Variants in MCTP1 observed in about 807,000 individuals in gnomAD.
MCTP1 encodes the protein multiple C2 and transmembrane domain containing 1.
MCTP1 carries 69 observed loss-of-function variants against 120.6 expected under a neutral mutation model. That is an observed-to-expected ratio of 0.57 (90% CI 0.47 to 0.70). The LOEUF is 0.70. Among genes scored for constraint, MCTP1 ranks in the 30% least tolerant of loss-of-function variants. MCTP1 has a pLI of 0.00. For missense variants in MCTP1, 1,203 were observed against 1,248.8 expected (o/e 0.96, Z 0.55); for synonymous variants, 529 against 493.1 (o/e 1.07, Z -0.96).
At chr5:95,032,277 C>T (rs1840443107) in intron 1 of MCTP1, among the ~76,000 whole-genome samples, 1 of 152,050 alleles carries the variant, frequency 6.6e-6, no homozygotes. Flanking sequence ...ACCCAACAAC[C>T]ACAGGATATA....
At chr5:94,860,877 GA>G (rs11333305) in intron 17 of MCTP1, among the ~76,000 whole-genome samples, 109,864 of 150,338 alleles carry the variant, frequency 0.73, 40,795 homozygotes, top group Non-Finnish European at 0.81. Flanking sequence ...CAGTGACTAT[GA>G]AAAAAAAAAT....
chr5:94,987,549 TAC>T (rs751461470), intron 2 of MCTP1, among the ~76,000 whole-genome samples: 1 of 151,868 alleles, frequency 6.6e-6, no homozygotes, highest in Non-Finnish European at 1.5e-5. Flanking sequence ...TAAAAGGGAG[TAC>T]AAATCAAAAG....
intron 1 of MCTP1, among the ~76,000 whole-genome samples, chr5:95,231,550 A>C (rs1334020028): frequency 1.3e-5 from 2 of 152,210 alleles, no homozygotes; most frequent in Non-Finnish European, 2.9e-5. Flanking sequence ...TAGGCCCTAC[A>C]TTTGACTCAA....
At chr5:95,008,779 C>T (rs1383733055) in intron 2 of MCTP1, among the ~76,000 whole-genome samples, 1 of 152,034 alleles carries the variant, frequency 6.6e-6, no homozygotes, top group African/African-American at 2.4e-5. Flanking sequence ...CAGAGACACA[C>T]AGGGTAAGGC....
chr5:94,879,010 GA>G (rs1799498795), intron 12 of MCTP1, among the ~76,000 whole-genome samples: 1 of 152,018 alleles, frequency 6.6e-6, no homozygotes, highest in Non-Finnish European at 1.5e-5. Flanking sequence ...GAAAAGTAGA[GA>G]AACACTTCTG....
At chr5:94,927,024 C>T (rs1400956220) in intron 6 of MCTP1, among the ~76,000 whole-genome samples, 1 of 152,100 alleles carries the variant, frequency 6.6e-6, no homozygotes, top group Non-Finnish European at 1.5e-5. Flanking sequence ...AAATGTAATG[C>T]CATTGTCACA....
At chr5:94,922,488 TC>T (rs35952644) in intron 7 of MCTP1, among the ~76,000 whole-genome samples, 3 of 148,760 alleles carry the variant, frequency 2.0e-5, no homozygotes, top group Non-Finnish European at 4.4e-5. Flanking sequence ...CCATGTATAT[TC>T]CCCCCCTTTT....
chr5:95,120,085 G>A (rs537727171), intron 1 of MCTP1, among the ~76,000 whole-genome samples: 2 of 147,934 alleles, frequency 1.4e-5, no homozygotes, highest in Non-Finnish European at 3.0e-5. Flanking sequence ...GCTGAGGCAG[G>A]AGAATGGCGT....
At chr5:94,997,774 A>G (rs762112248) in intron 2 of MCTP1, among the ~76,000 whole-genome samples, 1 of 152,198 alleles carries the variant, frequency 6.6e-6, no homozygotes, top group African/African-American at 2.4e-5. Flanking sequence ...TATTTTTTCA[A>G]TACATAAATG....
At chr5:94,967,024 T>C (rs17084340) in intron 2 of MCTP1, among the ~76,000 whole-genome samples, 26,090 of 152,178 alleles carry the variant, frequency 0.17, 2,384 homozygotes, top group East Asian at 0.25. Flanking sequence ...TCTGCAGTTA[T>C]TGGTAGTACA....
rs549765966 is a variant in MCTP1, at chr5:95,046,795, C to T, written c.721-29311G>A. On this transcript the variant is annotated intron_variant, in intron 1 of 22. Coordinates refer to ENST00000515393, the MANE Select transcript of MCTP1 (RefSeq NM_024717.7). ...CTGACTGTATTTTAACTCTTGACCA[C>T]ACGTATCTGTTTACCCTATTAGACT... 2.6e-5 allele frequency among the ~76,000 whole-genome samples: 4 copies of T among 152,264 alleles called. No homozygotes were observed. The East Asian group carries it at 7.7e-4, about 29-fold the overall frequency.
intron 1 of MCTP1, among the ~76,000 whole-genome samples, chr5:95,258,259 G>C (rs1406349213): frequency 6.6e-6 from 1 of 152,154 alleles, no homozygotes; most frequent in African/African-American, 2.4e-5. Flanking sequence ...CATGTTGATA[G>C]TACGTACCCT....
intron 2 of MCTP1, among the ~76,000 whole-genome samples, chr5:94,957,939 T>A (rs112209884): frequency 0.016 from 2,466 of 150,204 alleles, 70 homozygotes; most frequent in African/African-American, 0.057. Flanking sequence ...ATCTACAGAA[T>A]TCTCCACCCC....
chr5:95,077,762 G>A (rs536091072), intron 1 of MCTP1, among the ~76,000 whole-genome samples: 2 of 152,194 alleles, frequency 1.3e-5, no homozygotes, highest in Non-Finnish European at 2.9e-5. Context: ...GTGAGCCACT[G>A]CGCCTGGCCA....
rs1188440379 is a variant in MCTP1, at chr5:94,829,381, C to G, written c.2437-30249G>C. On this transcript the variant is annotated intron_variant, in intron 17 of 22. Transcript: ENST00000515393. ...TCACCTGCCTTCTGCGTTGGTCTCGCTGGGAGCTGCAGACCACAGCTGTTC... is the reference window on the plus strand; with the variant it reads ...TCACCTGCCTTCTGCGTTGGTCTCGGTGGGAGCTGCAGACCACAGCTGTTC... Among the ~76,000 whole-genome samples the G allele has an allele frequency of 3.3e-5, 5 of 152,214 alleles. No homozygotes were observed. The East Asian group carries it at 9.6e-4, about 29-fold the overall frequency.
chr5:94,744,005 C>T lies in MCTP1; in HGVS notation c.2611-29119G>A, dbSNP rs1426172620. 2.6e-5 allele frequency among the ~76,000 whole-genome samples: 4 copies of T among 152,002 alleles called. No individual in the cohort carries two copies. In the East Asian group the frequency reaches 7.7e-4, roughly 29 times the overall value. On this transcript the variant is annotated intron_variant, in intron 19 of 22. Coordinates refer to ENST00000515393, the MANE Select transcript of MCTP1 (RefSeq NM_024717.7). ...TCTTTTTCTGAGTCAGGATGTGGCT[C>T]CATCACCCAAGGTGGAGTGCAGTGG...
intron 3 of MCTP1, among the ~76,000 whole-genome samples, chr5:94,952,171 C>CAAAAAAATAAAA (rs1820769351): frequency 1.1e-5 from 1 of 87,890 alleles, no homozygotes; most frequent in African/African-American, 4.5e-5. Flanking sequence ...GACTTTGTCG[C>CAAAAAAATAAAA]AAAAAAAAAA....
At position 94,943,115 on chromosome 5, in the gene MCTP1, T is replaced by C. The variant is rs149412649; in HGVS notation, c.982-688A>G. On this transcript the variant is annotated intron_variant, in intron 3 of 22. Coordinates refer to ENST00000515393, the MANE Select transcript of MCTP1 (RefSeq NM_024717.7). ...TGTCTCTGACCTCTTGGATTGTACA[T>C]GGAGGGTCTGGGATGGCCTATAAAT... 1.5e-3 allele frequency among the ~76,000 whole-genome samples: 225 copies of C among 152,202 alleles called. 2 individuals carry two copies. Among genetic ancestry groups the C allele is most frequent in the Non-Finnish European group, 7.1e-4 (48 of 67,990 alleles).
chr5:94,751,466 G>A (rs1185732778), intron 19 of MCTP1, among the ~76,000 whole-genome samples: 1 of 151,718 alleles, frequency 6.6e-6, no homozygotes, highest in Non-Finnish European at 1.5e-5. Flanking sequence ...TCAAAGGCAG[G>A]TGACCTTGAA....
Sources: gnomAD v4.1 joint callset for allele counts (sites outside exome capture counted in the v4.1 genomes callset) on GRCh38, gnomAD v4.1.1 for gene constraint, MANE v1.5 for transcripts, NCBI Gene and HGNC (gene_info 2026-07-23, HGNC 2026-07-21) for gene names.